The following KCNH8 variants were observed in gnomAD, a reference collection of about 807,000 sequenced individuals.
KCNH8 encodes voltage-gated delayed rectifier potassium channel KCNH8.
KCNH8 carries 70 observed loss-of-function variants against 103.6 expected under a neutral mutation model. The observed-to-expected ratio is 0.68, with a 90% confidence interval of 0.56 to 0.82. KCNH8 has a LOEUF of 0.82. KCNH8 is among the 40% of genes least tolerant of loss of function. The pLI, the probability that KCNH8 is intolerant of heterozygous loss-of-function variation, is 0.00. For missense variants in KCNH8, 1,217 were observed against 1,329.9 expected (o/e 0.92, Z 1.32); for synonymous variants, 498 against 489.4 (o/e 1.02, Z -0.23).
intron 11 of KCNH8, among the ~76,000 whole-genome samples, chr3:19,476,227 T>A (rs368795441): frequency 3.9e-4 from 60 of 152,306 alleles, no homozygotes; most frequent in African/African-American, 1.4e-3. Context: ...ATCAGCAAAG[T>A]AGTTTATTTC....
intron 8 of KCNH8, among the ~76,000 whole-genome samples, chr3:19,446,634 C>T (rs962669126): frequency 2.0e-5 from 3 of 151,900 alleles, no homozygotes; most frequent in African/African-American, 7.2e-5. Context: ...TAAGATTACC[C>T]AAAACCTGAG....
chr3:19,260,487 G>A (rs1362463332), intron 2 of KCNH8, among the ~76,000 whole-genome samples: 1 of 40,032 alleles, frequency 2.5e-5, no homozygotes, highest in African/African-American at 6.8e-5. Context: ...TACTCTATAG[G>A]ATATATATAT....
intron 15 of KCNH8, among the ~76,000 whole-genome samples, chr3:19,531,360 A>G (rs1429356281): frequency 2.0e-5 from 3 of 152,190 alleles, no homozygotes; most frequent in Admixed American, 6.5e-5. Flanking sequence ...TGTGCTTTAG[A>G]ATTGAAGCTT....
chr3:19,288,230 T>C (rs1013537653), intron 3 of KCNH8, among the ~76,000 whole-genome samples: 7 of 147,280 alleles, frequency 4.8e-5, no homozygotes, highest in Non-Finnish European at 1.0e-4. Context: ...AGCTAGTTTA[T>C]TTATTTTTTT....
chr3:19,290,802 G>T (rs1325211547), intron 3 of KCNH8, among the ~76,000 whole-genome samples: 1 of 152,188 alleles, frequency 6.6e-6, no homozygotes, highest in Non-Finnish European at 1.5e-5. Context: ...CTATTGATTG[G>T]AATAGTTTCA....
At chr3:19,504,953 A>G (rs2068661681) in intron 11 of KCNH8, among the ~76,000 whole-genome samples, 1 of 151,194 alleles carries the variant, frequency 6.6e-6, no homozygotes, top group Admixed American at 6.6e-5. Flanking sequence ...AGACTAGATA[A>G]AAGAAAATGT....
intron 11 of KCNH8, among the ~76,000 whole-genome samples, chr3:19,480,994 C>T (rs1476499657): frequency 6.6e-6 from 1 of 152,108 alleles, no homozygotes; most frequent in Non-Finnish European, 1.5e-5. Flanking sequence ...ATCTTTCTTT[C>T]CCACTCTATA....
chr3:19,284,506 C>G (rs1167472745), intron 3 of KCNH8, among the ~76,000 whole-genome samples: 9 of 106,340 alleles, frequency 8.5e-5, no homozygotes, highest in Non-Finnish European at 1.6e-4. Flanking sequence ...GGTGGATCTG[C>G]TGGTGTGTGT....
At position 19,535,639 on chromosome 3, in the gene KCNH8, C is replaced by T. The variant is rs1324835665; in HGVS notation, c.*1540C>T. On this transcript the variant is annotated 3_prime_UTR_variant, in exon 16 of 16. Transcript: ENST00000328405. ...AATTGTATCATTAAAAGTATCTAAA[C>T]ACACCAAGACTTCTGATGTTGTATG... 6.6e-6 allele frequency: 1 copy of T among 152,126 alleles called. No homozygotes were observed. The highest frequency in any genetic ancestry group is 1.5e-5 in the Non-Finnish European group (1 of 68,032). 9.4% of individuals were successfully genotyped at this position (152,126 alleles called of 1,614,324 possible).
At chr3:19,293,914 G>T (rs1423883784) in intron 3 of KCNH8, among the ~76,000 whole-genome samples, 2 of 152,156 alleles carry the variant, frequency 1.3e-5, no homozygotes, top group Non-Finnish European at 2.9e-5. Context: ...TGGCTCTTCA[G>T]AGATAGATAA....
At chr3:19,338,770 A>AT (rs1160177650) in intron 3 of KCNH8, among the ~76,000 whole-genome samples, 2 of 151,714 alleles carry the variant, frequency 1.3e-5, no homozygotes, top group Non-Finnish European at 2.9e-5. Flanking sequence ...GTGATCTTTC[A>AT]TTTTTTGCTT....
At chr3:19,445,265 AGGCAAAGC>A (rs1477537943) in intron 8 of KCNH8, among the ~76,000 whole-genome samples, 1 of 151,998 alleles carries the variant, frequency 6.6e-6, no homozygotes, top group Non-Finnish European at 1.5e-5. Flanking sequence ...GTTTATAGAT[AGGCAAAGC>A]TTATTAATTG....
intron 3 of KCNH8, among the ~76,000 whole-genome samples, chr3:19,331,126 A>G (rs985575643): frequency 6.6e-6 from 1 of 151,854 alleles, no homozygotes; most frequent in Non-Finnish European, 1.5e-5. Context: ...ACTGGGGGGA[A>G]GTTTTTTTTG....
chr3:19,454,989 A>G (rs957359629), intron 10 of KCNH8, among the ~76,000 whole-genome samples: 2 of 152,184 alleles, frequency 1.3e-5, no homozygotes, highest in African/African-American at 2.4e-5. Context: ...AATCAATAAT[A>G]CTTTGATAAA....
At chr3:19,502,219 T>G (rs1160129914) in intron 11 of KCNH8, among the ~76,000 whole-genome samples, 1 of 151,198 alleles carries the variant, frequency 6.6e-6, no homozygotes, top group Non-Finnish European at 1.5e-5. Context: ...TTACAAGGGA[T>G]GTGAAGGGCC....
intron 11 of KCNH8, among the ~76,000 whole-genome samples, chr3:19,468,918 A>G (rs1389600401): frequency 6.6e-6 from 1 of 152,246 alleles, no homozygotes; most frequent in Non-Finnish European, 1.5e-5. Flanking sequence ...TCAAGAATGT[A>G]CTGAAAAGGG....
intron 7 of KCNH8, among the ~76,000 whole-genome samples, chr3:19,396,568 C>T (rs547017617): frequency 6.6e-6 from 1 of 151,850 alleles, no homozygotes; most frequent in Admixed American, 6.6e-5. Flanking sequence ...TGCTGTGGGT[C>T]CTCAATTCTA....
intron 1 of KCNH8, among the ~76,000 whole-genome samples, chr3:19,208,337 C>G (rs2063736961): frequency 6.6e-6 from 1 of 151,950 alleles, no homozygotes; most frequent in African/African-American, 2.4e-5. Context: ...TATGTTTATT[C>G]CTATTGCACA....
intron 1 of KCNH8, among the ~76,000 whole-genome samples, chr3:19,242,613 G>T (rs186319906): frequency 3.5e-4 from 54 of 152,252 alleles, no homozygotes; most frequent in African/African-American, 1.2e-3. Flanking sequence ...CTAGAAAGGT[G>T]TTATCCCCCT....
Sources: gnomAD v4.1 joint callset for allele counts (sites outside exome capture counted in the v4.1 genomes callset) on GRCh38, gnomAD v4.1.1 for gene constraint, MANE v1.5 for transcripts, NCBI Gene and HGNC (gene_info 2026-07-23, HGNC 2026-07-21) for gene names.